Variants in RAB15 observed in about 807,000 individuals in gnomAD.
RAB15 encodes ras-related protein Rab-15.
Under a neutral mutation model 31.8 loss-of-function variants are expected in RAB15, and 13 were observed. The observed-to-expected ratio is 0.41, with a 90% CI of 0.27 to 0.65. The LOEUF is 0.65. Ranked by LOEUF, RAB15 falls within the 30% of genes least tolerant of loss-of-function variation. RAB15 has a pLI of 0.32. For missense variants in RAB15, 220 were observed against 277.3 expected (o/e 0.79, Z 1.47); for synonymous variants, 100 against 105.6 (o/e 0.95, Z 0.33).
intron 1 of RAB15, among the ~76,000 whole-genome samples, chr14:64,966,358 G>T (rs1887137871): frequency 6.6e-6 from 1 of 151,862 alleles, no homozygotes; most frequent in African/African-American, 2.4e-5. Flanking sequence ...CATTCTTATA[G>T]CTAGGAATAA....
rs138513230 is a variant in RAB15 at position 64,952,379 on chromosome 14, C to T, written c.185+132G>A. Reference sequence around the variant, plus strand: ...AGGAAGAGATGGGCTTCTGAGACTTCGCTTCCATCCATCAGAGAGGTGGCC... The same window carrying T: ...AGGAAGAGATGGGCTTCTGAGACTTTGCTTCCATCCATCAGAGAGGTGGCC... On this transcript the variant is annotated intron_variant, in intron 2 of 6. Coordinates refer to ENST00000533601, the MANE Select transcript of RAB15 (RefSeq NM_001308154.2). This position sits in a 1 kb window ranked among gnomAD's most constrained non-coding sequence, Gnocchi z 4.2. The T allele has an allele frequency of 5.2e-5, 35 of 673,186 alleles. No individual in the cohort carries two copies. In the East Asian group the frequency reaches 7.1e-4, roughly 14 times the overall value. The allele number at this position is 673,186 out of a possible 1,614,324, so 41.7% of individuals were successfully genotyped here.
At position 64,971,937 on chromosome 14, in the gene RAB15, G is replaced by A. The variant is rs1298520978; in HGVS notation, c.124+16C>T. The A allele has an allele frequency of 6.4e-7, 1 of 1,553,616 alleles. No homozygotes were observed. Among genetic ancestry groups the A allele is most frequent in the South Asian group, 1.2e-5 (1 of 84,664 alleles). On this transcript the variant is annotated intron_variant, in intron 1 of 6. Coordinates refer to ENST00000533601, the MANE Select transcript of RAB15 (RefSeq NM_001308154.2). This position sits in a 1 kb window ranked among gnomAD's most constrained non-coding sequence, Gnocchi z 4.1. ...CGGGCGGGGAGGGAGGGGCGCCCCG[G>A]GCCACCGCCCCTTACCGATGGTGGA...
At position 64,950,454 on chromosome 14, in the gene RAB15, C is replaced by T. The variant is rs753920181; in HGVS notation, c.325-40G>A. On this transcript the variant is annotated intron_variant, in intron 4 of 6. Transcript: ENST00000533601. This position sits in a 1 kb window ranked among gnomAD's most constrained non-coding sequence, Gnocchi z 5.6. ...TGGGCAGAACAGCCAGTGAGTGCTG[C>T]CTGCCCCCCCAATTTTCCCTACAGA... is the stretch of plus-strand genomic sequence containing the variant. The T allele has an allele frequency of 4.0e-6, 6 of 1,512,360 alleles. No homozygotes were observed. In the South Asian group the frequency reaches 6.7e-5, roughly 17 times the overall value. 93.7% of individuals were successfully genotyped at this position (1,512,360 alleles called of 1,614,324 possible).
In RAB15 at chr14:64,953,771, G is replaced by A; in HGVS notation, c.125-1200C>T. ...CAGGGATTCAAGAGCTACGTCTGGT[G>A]GGTTAATTAAGCTTACGTCTTTGTG... On this transcript the variant is annotated intron_variant, in intron 1 of 6. Transcript: ENST00000533601. The surrounding 1 kb of genome is among the most constrained non-coding windows in gnomAD (Gnocchi z 4.6). The A allele has an allele frequency of 1.0e-6, 1 of 984,482 alleles. No homozygotes were observed. Among genetic ancestry groups the A allele is most frequent in the South Asian group, 4.7e-5 (1 of 21,256 alleles). 61.0% of individuals were successfully genotyped at this position (984,482 alleles called of 1,614,324 possible).
intron 1 of RAB15, among the ~76,000 whole-genome samples, chr14:64,967,459 C>A (rs2140002483): frequency 6.6e-6 from 1 of 152,206 alleles, no homozygotes; most frequent in South Asian, 2.1e-4. Context: ...TGGTGGCATG[C>A]ACCTGTAGTC....
intron 1 of RAB15, among the ~76,000 whole-genome samples, chr14:64,964,946 T>G (rs1459451913): frequency 6.7e-6 from 1 of 148,276 alleles, no homozygotes; most frequent in Admixed American, 6.7e-5. Context: ...GAGTTCTCAG[T>G]AATTTTTTTT....
At position 64,947,353 on chromosome 14, in the gene RAB15, G is replaced by A. The variant is rs1410336866; in HGVS notation, c.*1001C>T. Reference sequence around the variant, plus strand: ...ATTTCCAAATGCTCCCCTTTGTGGAGTGCATGGTTGGCCTGACAGTGTCAC... The same window carrying A: ...ATTTCCAAATGCTCCCCTTTGTGGAATGCATGGTTGGCCTGACAGTGTCAC... On this transcript the variant is annotated 3_prime_UTR_variant, in exon 7 of 7. Coordinates refer to ENST00000533601, the MANE Select transcript of RAB15 (RefSeq NM_001308154.2). This position sits in a 1 kb window ranked among gnomAD's most constrained non-coding sequence, Gnocchi z 5.6. 2 of 152,746 alleles carry A rather than the reference G, an allele frequency of 1.3e-5. No individual in the cohort carries two copies. The highest frequency in any genetic ancestry group is 2.4e-5 in the African/African-American group (1 of 41,446). 9.5% of individuals were successfully genotyped at this position (152,746 alleles called of 1,614,324 possible).
rs952498962 is a variant in RAB15, at chr14:64,954,997, G to A, written c.125-2426C>T. 5.3e-5 allele frequency among the ~76,000 whole-genome samples: 8 copies of A among 152,114 alleles called. No individual in the cohort carries two copies. The highest frequency in any genetic ancestry group is 1.9e-4 in the African/African-American group (8 of 41,424). On this transcript the variant is annotated intron_variant, in intron 1 of 6. Coordinates refer to ENST00000533601, the MANE Select transcript of RAB15 (RefSeq NM_001308154.2). The surrounding 1 kb of genome is among the most constrained non-coding windows in gnomAD (Gnocchi z 4.3). ...GGTACTCCACCGGAAGTGAGGCTGG[G>A]CAGTGACTCCTTCTCACCTCCTCCC...
Position 64,948,754 on chromosome 14 carries a change from TGAAAGA to T in RAB15, c.415-27_415-22del. The T allele has an allele frequency of 6.2e-7, 1 of 1,611,692 alleles. No individual in the cohort carries two copies. The highest frequency in any genetic ancestry group is 8.5e-7 in the Non-Finnish European group (1 of 1,178,180). Reference sequence around the variant, plus strand: ...GCCAGCTGCAAGAGAAGGACATTTCTGAAAGAGAGTCAGTAAGGCAGGGGAGGGGCC... The same window carrying T: ...GCCAGCTGCAAGAGAAGGACATTTCTGAGTCAGTAAGGCAGGGGAGGGGCC... On this transcript the variant is annotated intron_variant, in intron 5 of 6. Transcript: ENST00000533601. The surrounding 1 kb of genome is among the most constrained non-coding windows in gnomAD (Gnocchi z 7.0).
rs1886021281 is a variant in RAB15, at chr14:64,948,240, C to T, written c.*114G>A. On this transcript the variant is annotated 3_prime_UTR_variant, in exon 7 of 7. Transcript: ENST00000533601. The surrounding 1 kb of genome is among the most constrained non-coding windows in gnomAD (Gnocchi z 7.0). ...GCAGGGGGAGTAGTGGCTACTGATA[C>T]TCAATAGGGTCATCACACGAGAGGA... 2 of 1,142,402 alleles carry T rather than the reference C, an allele frequency of 1.8e-6. No homozygotes were observed. The highest frequency in any genetic ancestry group is 2.8e-5 in the East Asian group (1 of 36,176). 70.8% of individuals were successfully genotyped at this position (1,142,402 alleles called of 1,614,324 possible).
intron 1 of RAB15, among the ~76,000 whole-genome samples, chr14:64,966,609 C>A (rs1168533715): frequency 6.6e-6 from 1 of 152,064 alleles, no homozygotes; most frequent in Non-Finnish European, 1.5e-5. Context: ...CTGCCAAGTG[C>A]TTTATATGCG....
intron 1 of RAB15, among the ~76,000 whole-genome samples, chr14:64,961,153 C>T (rs929628919): frequency 6.6e-6 from 1 of 152,214 alleles, no homozygotes; most frequent in African/African-American, 2.4e-5. Context: ...AAACCCAAGG[C>T]AGACACCCAA....
At position 64,948,221 on chromosome 14, in the gene RAB15, G is replaced by A; in HGVS notation, c.*133C>T. ...GAGCCGCTCTCAGGGCCAGGCAGGGGGAGTAGTGGCTACTGATACTCAATA... is the reference window on the plus strand; with the variant it reads ...GAGCCGCTCTCAGGGCCAGGCAGGGAGAGTAGTGGCTACTGATACTCAATA... On this transcript the variant is annotated 3_prime_UTR_variant, in exon 7 of 7. Transcript: ENST00000533601. The surrounding 1 kb of genome is among the most constrained non-coding windows in gnomAD (Gnocchi z 7.0). The A allele has an allele frequency of 1.1e-6, 1 of 926,692 alleles. No individual in the cohort carries two copies. Among genetic ancestry groups the A allele is most frequent in the Admixed American group, 3.4e-5 (1 of 29,374 alleles). The allele number at this position is 926,692 out of a possible 1,614,324, so 57.4% of individuals were successfully genotyped here.
chr14:64,948,641 C>G lies in RAB15; in HGVS notation c.480+27G>C. 1.2e-6 allele frequency: 2 copies of G among 1,613,578 alleles called. No homozygotes were observed. The highest frequency in any genetic ancestry group is 1.7e-6 in the Non-Finnish European group (2 of 1,179,558). On this transcript the variant is annotated intron_variant, in intron 6 of 6. Coordinates refer to ENST00000533601, the MANE Select transcript of RAB15 (RefSeq NM_001308154.2). The surrounding 1 kb of genome is among the most constrained non-coding windows in gnomAD (Gnocchi z 7.0). ...CTCTGCTGGACTCAGCCCGAGAGAG[C>G]GGGCGCCTGGTCACCAGGGCTCTCA...
At chr14:64,960,763 T>C (rs1004413642) in intron 1 of RAB15, among the ~76,000 whole-genome samples, 3 of 152,076 alleles carry the variant, frequency 2.0e-5, no homozygotes, top group African/African-American at 7.2e-5. Context: ...CTCTAGGATG[T>C]AGAAGGAGGC....
At chr14:64,960,122 C>T (rs1309061811) in intron 1 of RAB15, among the ~76,000 whole-genome samples, 1 of 152,180 alleles carries the variant, frequency 6.6e-6, no homozygotes, top group Admixed American at 6.5e-5. Context: ...AACTGGAGCC[C>T]GAGGGTGCTG....
Position 64,950,913 on chromosome 14 carries a change from G to A in RAB15, c.324+161C>T. ...GGGTATAGAGAGTGAGGGCATGGCA[G>A]CTTCGGTTTCTTCCCCATGTCTTAC... is the stretch of plus-strand genomic sequence containing the variant. On this transcript the variant is annotated intron_variant, in intron 4 of 6. Transcript: ENST00000533601. The surrounding 1 kb of genome is among the most constrained non-coding windows in gnomAD (Gnocchi z 5.6). 6.6e-7 allele frequency: 1 copy of A among 1,505,850 alleles called. No individual in the cohort carries two copies. Among genetic ancestry groups the A allele is most frequent in the Non-Finnish European group, 9.2e-7 (1 of 1,088,814 alleles). The allele number at this position is 1,505,850 out of a possible 1,614,324, so 93.3% of individuals were successfully genotyped here.
intron 1 of RAB15, among the ~76,000 whole-genome samples, chr14:64,961,519 C>T (rs1886856763): frequency 6.6e-6 from 1 of 152,114 alleles, no homozygotes; most frequent in African/African-American, 2.4e-5. Context: ...CTGGAGTGAC[C>T]CTCCAGGGCC....
At chr14:64,967,273 A>G (rs1231038522) in intron 1 of RAB15, among the ~76,000 whole-genome samples, 2 of 152,294 alleles carry the variant, frequency 1.3e-5, no homozygotes, top group East Asian at 3.9e-4. Flanking sequence ...CTACTCAGGG[A>G]AGACTAAGGA....
Sources: gnomAD v4.1 joint callset for allele counts (sites outside exome capture counted in the v4.1 genomes callset) on GRCh38, gnomAD v4.1.1 for gene constraint, Gnocchi (gnomAD v3.1) non-coding constraint, MANE v1.5 for transcripts, NCBI Gene and HGNC (gene_info 2026-07-23, HGNC 2026-07-21) for gene names.